CASD1: variants seen among roughly 807,000 people sequenced by gnomAD.
CASD1 encodes the protein N-acetylneuraminate (7)9-O-acetyltransferase.
A neutral mutation model predicts 100.0 loss-of-function variants in CASD1; 41 were observed. That is an observed-to-expected ratio of 0.41 (90% CI 0.32 to 0.53). The LOEUF (loss-of-function observed/expected upper bound fraction) is 0.53. CASD1 is among the 20% of genes least tolerant of loss of function. CASD1 has a pLI of 0.25. For synonymous variants in CASD1, 321 were observed against 315.6 expected (o/e 1.02, Z -0.18); for missense variants, 774 against 948.7 (o/e 0.82, Z 2.42).
chr7:94,573,488 A>G, the CASD1 span, among the ~76,000 whole-genome samples: 2 of 152,018 alleles, frequency 1.3e-5, no homozygotes, highest in African/African-American at 2.4e-5. Flanking sequence ...TTTTTCTGGC[A>G]ATTGTGAATG....
downstream of CASD1, among the ~76,000 whole-genome samples, chr7:94,559,569 A>G (rs1407135497): frequency 2.0e-5 from 3 of 152,150 alleles, no homozygotes; most frequent in Non-Finnish European, 4.4e-5. Flanking sequence ...TCTCTTGCCC[A>G]GGCTGGAGTG....
downstream of CASD1, among the ~76,000 whole-genome samples, chr7:94,561,803 T>C (rs1442869786): frequency 6.6e-6 from 1 of 152,148 alleles, no homozygotes; most frequent in Admixed American, 6.6e-5. Context: ...TTCTGTGAGT[T>C]TGACTGTGGT....
chr7:94,564,417 G>A, the CASD1 span, among the ~76,000 whole-genome samples: 466 of 152,252 alleles, frequency 3.1e-3, 5 homozygotes, highest in African/African-American at 0.011. Context: ...CATCACCCCT[G>A]GGATAAGAAA....
chr7:94,515,507 G>A (rs1168417335), intron 1 of CASD1, among the ~76,000 whole-genome samples: 1 of 151,270 alleles, frequency 6.6e-6, no homozygotes, highest in Non-Finnish European at 1.5e-5. Flanking sequence ...TAATAGTATT[G>A]ACTGGAGGCA....
chr7:94,554,465 T>C lies in CASD1; in HGVS notation c.2035-18T>C, dbSNP rs375144233. 5.1e-5 allele frequency: 77 copies of C among 1,506,770 alleles called. No homozygotes were observed. Among genetic ancestry groups the C allele is most frequent in the Non-Finnish European group, 6.0e-5 (65 of 1,090,480 alleles). The allele number at this position is 1,506,770 out of a possible 1,614,324, so 93.3% of individuals were successfully genotyped here. A position where few individuals can be genotyped will look rare whatever the true frequency, so the allele number is the denominator to read the frequency against. The stretch of plus-strand genomic sequence containing the variant: ...AATAAAGAGATTATTAATATTTGCT[T>C]TTGTGCTTTTTCTTTAGATTTTAGC... On this transcript the variant is annotated intron_variant, in intron 16 of 17. Coordinates refer to ENST00000297273, the MANE Select transcript of CASD1 (RefSeq NM_022900.5).
At chr7:94,528,133 G>T in intron 4 of CASD1, 55 bp from the exon 5 acceptor site, 1 of 1,168,046 alleles carries the variant, frequency 8.6e-7, no homozygotes, top group Non-Finnish European at 1.3e-6. Context: ...TATTTTGAAT[G>T]GTGGAATTAA....
chr7:94,633,439 A>T, the CASD1 span, among the ~76,000 whole-genome samples: 11 of 152,134 alleles, frequency 7.2e-5, no homozygotes, highest in African/African-American at 2.4e-4. Flanking sequence ...AGCTGGGATC[A>T]TTATCTCGCT....
At chr7:94,611,449 T>C in the CASD1 span, among the ~76,000 whole-genome samples, 6 of 139,164 alleles carry the variant, frequency 4.3e-5, no homozygotes, top group African/African-American at 1.4e-4. Context: ...GGCACATTTA[T>C]AGAGACAGCA....
the CASD1 span, chr7:94,599,596 T>C: frequency 9.9e-6 from 9 of 909,638 alleles, no homozygotes; most frequent in Non-Finnish European, 5.4e-6. Context: ...CTATGAAAGA[T>C]GACAAATGAA....
At chr7:94,618,651 T>C in the CASD1 span, 4 of 886,640 alleles carry the variant, frequency 4.5e-6, no homozygotes, top group South Asian at 6.2e-5. Context: ...ATCTATTTCT[T>C]ATTAAAACGA....
chr7:94,566,038 T>A, the CASD1 span, among the ~76,000 whole-genome samples: 1 of 152,178 alleles, frequency 6.6e-6, no homozygotes, highest in Non-Finnish European at 1.5e-5. Flanking sequence ...ACCGCTTCCA[T>A]GCCCAGTCAT....
the CASD1 span, chr7:94,599,756 A>G: frequency 2.1e-6 from 3 of 1,397,598 alleles, no homozygotes; most frequent in Non-Finnish European, 1.0e-6. Context: ...GAATTAAATA[A>G]TAGCATTGAT....
At chr7:94,614,929 CATTT>C in the CASD1 span, among the ~76,000 whole-genome samples, 1 of 152,082 alleles carries the variant, frequency 6.6e-6, no homozygotes, top group Non-Finnish European at 1.5e-5. Context: ...GCATTGACTT[CATTT>C]GTTTTTTTGT....
downstream of CASD1, among the ~76,000 whole-genome samples, chr7:94,557,780 A>G (rs549224870): frequency 2.0e-5 from 3 of 151,900 alleles, no homozygotes; most frequent in East Asian, 5.8e-4. Context: ...TAATTTAAAA[A>G]TAATTTATTT....
At chr7:94,521,728 T>C (rs10245558) in intron 3 of CASD1, among the ~76,000 whole-genome samples, 1,796 of 152,270 alleles carry the variant, frequency 0.012, 32 homozygotes, top group African/African-American at 0.041. Context: ...TAAAAAGCTG[T>C]TTTTGCATAT....
the CASD1 span, among the ~76,000 whole-genome samples, chr7:94,601,773 T>G: frequency 6.6e-6 from 1 of 152,142 alleles, no homozygotes; most frequent in Non-Finnish European, 1.5e-5. Flanking sequence ...GAACTAAATA[T>G]GAATTTCATT....
the CASD1 span, among the ~76,000 whole-genome samples, chr7:94,585,804 A>C: frequency 6.6e-6 from 1 of 152,136 alleles, no homozygotes; most frequent in Non-Finnish European, 1.5e-5. Flanking sequence ...ATGGAGGTTA[A>C]CTGCAGGATG....
chr7:94,563,081 C>T, the CASD1 span, among the ~76,000 whole-genome samples: 1 of 152,196 alleles, frequency 6.6e-6, no homozygotes, highest in Admixed American at 6.6e-5. Flanking sequence ...GTAGAAACAG[C>T]AGTATCACCT....
At chr7:94,529,944 A>G (rs760611420) in intron 5 of CASD1, among the ~76,000 whole-genome samples, 4 of 152,150 alleles carry the variant, frequency 2.6e-5, no homozygotes, top group African/African-American at 7.2e-5. Flanking sequence ...ATAAAAGCAA[A>G]TTTGAATTGA....
Sources: allele counts gnomAD v4.1 joint callset (sites outside exome capture counted in the v4.1 genomes callset), GRCh38; gene constraint gnomAD v4.1.1; transcripts MANE v1.5; gene names NCBI Gene and HGNC (gene_info 2026-07-23, HGNC 2026-07-21).